Variants in ELN observed in about 807,000 individuals in gnomAD.
ELN encodes the protein tropoelastin.
Under a neutral mutation model 105.8 loss-of-function variants are expected in ELN, and 65 were observed. The observed-to-expected ratio is 0.61, with a 90% CI of 0.50 to 0.75. The LOEUF is 0.75. Ranked by LOEUF, ELN falls within the 30% of genes least tolerant of loss-of-function variation. The pLI is 0.00. For synonymous variants in ELN, 368 were observed against 389.2 expected (o/e 0.95, Z 0.64); for missense variants, 882 against 969.4 (o/e 0.91, Z 1.20).
At chr7:74,035,440 C>T in intron 2 of ELN, 26 bp downstream of exon 2, 1 of 1,613,822 alleles carries the variant, frequency 6.2e-7, no homozygotes, top group Non-Finnish European at 8.5e-7. Flanking sequence ...CTTCCACACA[C>T]CCAGGTCATG....
At chr7:74,062,978 G>A (rs1303554581) in intron 26 of ELN, among the ~76,000 whole-genome samples, 175 bp from the exon 27 acceptor site, 2 of 152,188 alleles carry the variant, frequency 1.3e-5, no homozygotes, top group African/African-American at 4.8e-5. Flanking sequence ...TCCAGCCGGG[G>A]TGACAGAGCA....
Position 74,063,723 on chromosome 7 carries a change from G to A in ELN, c.1993+28G>A, listed in dbSNP as rs113247955. 9.3e-6 allele frequency: 15 copies of A among 1,613,776 alleles called. No homozygotes were observed. The highest frequency in any genetic ancestry group is 6.6e-5 in the South Asian group (6 of 91,074). ...GAGAGTTGTTCTGAAATCAGTGAGT[G>A]TGTGTGGTGTGTGTATGCGAGACAG... is the stretch of plus-strand genomic sequence containing the variant. On this transcript the variant is annotated intron_variant, in intron 29 of 32. Coordinates refer to ENST00000252034, the MANE Select transcript of ELN (RefSeq NM_000501.4). The surrounding 1 kb of genome is among the most constrained non-coding windows in gnomAD (Gnocchi z 4.1).
chr7:74,057,309 C>T (rs782122387), intron 21 of ELN: 48 of 1,249,578 alleles, frequency 3.8e-5, no homozygotes, highest in Non-Finnish European at 4.8e-5. Context: ...TCCTCCGATT[C>T]TCCCACCCAC....
intron 25 of ELN, 134 bp downstream of exon 25, chr7:74,060,635 C>A: frequency 1.3e-6 from 2 of 1,557,488 alleles, no homozygotes; most frequent in Non-Finnish European, 1.7e-6. Flanking sequence ...TTCTCCTAAG[C>A]ATCTGGGGGT....
Position 74,063,106 on chromosome 7 carries a change from C to A in ELN, c.1787-47C>A. On this transcript the variant is annotated intron_variant, in intron 26 of 32. Coordinates refer to ENST00000252034, the MANE Select transcript of ELN (RefSeq NM_000501.4). The surrounding 1 kb of genome is among the most constrained non-coding windows in gnomAD (Gnocchi z 4.1). The stretch of plus-strand genomic sequence containing the variant: ...GCCTTGTGTCCCTGGGGCAGGGAGA[C>A]CCATCGTTCAGAAATGGAACACTCA... 2 of 1,567,952 alleles carry A rather than the reference C, an allele frequency of 1.3e-6. No homozygotes were observed. Among genetic ancestry groups the A allele is most frequent in the Non-Finnish European group, 1.7e-6 (2 of 1,155,564 alleles).
intron 8 of ELN, chr7:74,043,423 A>G: frequency 1.4e-6 from 1 of 709,622 alleles, no homozygotes; most frequent in Non-Finnish European, 2.5e-6. Context: ...CGGGCGACAG[A>G]TGGGGAAACT....
chr7:74,032,349 T>G (rs892616224), intron 1 of ELN, among the ~76,000 whole-genome samples: 8 of 151,690 alleles, frequency 5.3e-5, no homozygotes, highest in Non-Finnish European at 1.0e-4. Flanking sequence ...GGTGCGGGGG[T>G]AGGACTTGGA....
At chr7:74,058,906 T>C (rs1312906858) in intron 22 of ELN, among the ~76,000 whole-genome samples, 5 of 152,148 alleles carry the variant, frequency 3.3e-5, no homozygotes, top group African/African-American at 9.7e-5. Flanking sequence ...AGCCCCATAT[T>C]CTCACACACA....
At chr7:74,060,246 C>CA (rs1796342659) in intron 24 of ELN, 62 bp downstream of exon 24, 1 of 1,613,816 alleles carries the variant, frequency 6.2e-7, no homozygotes, top group African/African-American at 1.3e-5. Context: ...TTAGGGGCAA[C>CA]AGCCAGGGAG....
At chr7:74,056,219 C>T in intron 19 of ELN, 52 bp from the exon 20 acceptor site, 1 of 1,612,314 alleles carries the variant, frequency 6.2e-7, no homozygotes, top group South Asian at 1.1e-5. Flanking sequence ...TCAGAGCCCG[C>T]CCAGCCTCTC....
intron 32 of ELN, among the ~76,000 whole-genome samples, chr7:74,068,326 G>A (rs1276320763): frequency 6.6e-6 from 1 of 152,230 alleles, no homozygotes; most frequent in Non-Finnish European, 1.5e-5. Flanking sequence ...GTTCCTTGAT[G>A]GAGCTGCTCT....
rs142438174 is a variant in ELN, at chr7:74,056,372, G to T, written c.1252G>T (p.Ala418Ser). 6.2e-7 allele frequency: 1 copy of T among 1,613,600 alleles called. No homozygotes were observed. ...CGGAGTCGGAGGTATCCCTGGAGTC[G>T]CAGGTGTCCCTGGTGTCGGAGGTGT... Reference protein sequence around the residue: ...GVGVGGIPGVAGVPGVGGVPG... With the variant: ...GVGVGGIPGVSGVPGVGGVPG... Residue 418 changes from alanine to serine, a missense_variant, in exon 20 of 33, where the codon GCA becomes TCA. Coordinates refer to ENST00000252034, the MANE Select transcript of ELN (RefSeq NM_000501.4).
chr7:74,053,409 A>AC, intron 18 of ELN, 100 bp downstream of exon 18: 1 of 1,543,076 alleles, frequency 6.5e-7, no homozygotes, highest in African/African-American at 1.4e-5. Context: ...ATTCTCCCTA[A>AC]CACCATAACC....
At position 74,048,564 on chromosome 7, in the gene ELN, C is replaced by T. The variant is rs2131674502; in HGVS notation, c.799+8C>T. 2 of 1,613,698 alleles carry T rather than the reference C, an allele frequency of 1.2e-6. No individual in the cohort carries two copies. Among genetic ancestry groups the T allele is most frequent in the African/African-American group, 2.7e-5 (2 of 74,970 alleles). On this transcript the variant is annotated splice_region_variant and intron_variant, in intron 15 of 32. Coordinates refer to ENST00000252034, the MANE Select transcript of ELN (RefSeq NM_000501.4). ...AAGCAGCAGCAAAGTTCGGTGAGTG[C>T]CCCTGGAGTCCCCACCTGGTGGCCT...
rs1417405662 is a variant in ELN at position 74,046,723 on chromosome 7, C to G, written c.599C>G (p.Pro200Arg). ...PGVGPFGGPQ[P>R]GVPLGYPIKA... ...GTTGGACCCTTTGGGGGACCGCAAC[C>G]TGGAGTCCCACTGGGGTATCCCATC... is the stretch of plus-strand genomic sequence containing the variant. The change falls in exon 12 of 33, where the codon CCT becomes CGT. Residue 200 changes from proline (P) to arginine (R), a missense_variant. Pro to Arg is a moderately radical substitution (Grantham distance 103). Coordinates refer to ENST00000252034, the MANE Select transcript of ELN (RefSeq NM_000501.4). 2.5e-6 allele frequency: 4 copies of G among 1,614,214 alleles called. No homozygotes were observed. Among genetic ancestry groups the G allele is most frequent in the Non-Finnish European group, 1.7e-6 (2 of 1,180,032 alleles).
chr7:74,028,862 T>TTGTGTG lies in ELN; in HGVS notation c.82+608_82+613dup, dbSNP rs143136809. Among the ~76,000 whole-genome samples, 5 of 149,290 alleles carry TTGTGTG rather than the reference T, an allele frequency of 3.3e-5. No homozygotes were observed. The East Asian group carries it at 7.9e-4, about 24-fold the overall frequency. ...GCAGGCAGGGACTCCTGGTATGCAT[T>TTGTGTG]TGTGTGTGTGTGTGTGTGTGCATGC... On this transcript the variant is annotated intron_variant, in intron 1 of 32. Coordinates refer to ENST00000252034, the MANE Select transcript of ELN (RefSeq NM_000501.4).
chr7:74,038,942 G>T (rs114305470), intron 4 of ELN, among the ~76,000 whole-genome samples: 2 of 152,162 alleles, frequency 1.3e-5, no homozygotes, highest in Non-Finnish European at 2.9e-5. Context: ...ACTTATCCCC[G>T]CCAGCACCTA....
intron 18 of ELN, 124 bp from the exon 19 acceptor site, chr7:74,054,592 A>C: frequency 1.0e-6 from 1 of 975,960 alleles, no homozygotes; most frequent in Non-Finnish European, 1.6e-6. Context: ...ATGGATGTGT[A>C]GCCAACTCTA....
rs1794152334 is a variant in ELN, at chr7:74,051,976, C to A, written c.942C>A (p.Ala314=). The A allele has an allele frequency of 3.7e-6, 6 of 1,613,428 alleles. No homozygotes were observed. The highest frequency in any genetic ancestry group is 8.5e-7 in the Non-Finnish European group (1 of 1,180,030). ...AAAAAAAAKA[A]KYGAAAGLVP... The stretch of plus-strand genomic sequence containing the variant: ...CTGCAGCAGCAGCCGCTAAGGCAGC[C>A]AAGTATGGTGAGTGCCTCCCGGGGT... Residue 314 remains alanine, a synonymous_variant, in exon 17 of 33, where the codon GCC becomes GCA. Transcript: ENST00000252034.
Sources: gnomAD v4.1 joint callset for allele counts (sites outside exome capture counted in the v4.1 genomes callset) on GRCh38, gnomAD v4.1.1 for gene constraint, Gnocchi (gnomAD v3.1) non-coding constraint, MANE v1.5 for transcripts, NCBI Gene and HGNC (gene_info 2026-07-23, HGNC 2026-07-21) for gene names.